Variants in TMEM63C observed in about 807,000 individuals in gnomAD.
TMEM63C encodes transmembrane protein 63C, also known as osmosensitive cation channel TMEM63C.
A neutral mutation model predicts 99.2 loss-of-function variants in TMEM63C; 32 were observed. That is an observed-to-expected ratio of 0.32 (90% confidence interval 0.24 to 0.43). TMEM63C has a LOEUF of 0.43. TMEM63C is among the 20% of genes least tolerant of loss of function. TMEM63C has a pLI of 1.00. For missense variants in TMEM63C, 826 were observed against 1,053.0 expected, an observed-to-expected ratio of 0.78 and a Z score of 2.98; for synonymous variants, 376 against 397.9, an observed-to-expected ratio of 0.94 and a Z score of 0.66.
At chr14:77,183,233 C>T (rs914878258) in intron 1 of TMEM63C, among the ~76,000 whole-genome samples, 1 of 152,082 alleles carries the variant, frequency 6.6e-6, no homozygotes, top group Non-Finnish European at 1.5e-5. Flanking sequence ...CTTCTGACTC[C>T]CCAGCCACCA....
intron 2 of TMEM63C, among the ~76,000 whole-genome samples, chr14:77,217,570 G>A (rs775807783): frequency 3.9e-5 from 6 of 152,222 alleles, no homozygotes; most frequent in Admixed American, 3.9e-4. Context: ...TCCAGGTAGA[G>A]GTGAGGTCTG....
rs748075844 is a variant in TMEM63C, at chr14:77,257,546, A to AG, written c.*826dup. ...AGACGACAGAAGCCGAATTCATGGAAGGGGGGTCTTCTCCCCAAAACTCTG... is the reference window on the plus strand; with the variant it reads ...AGACGACAGAAGCCGAATTCATGGAAGGGGGGGTCTTCTCCCCAAAACTCTG... On this transcript the variant is annotated 3_prime_UTR_variant, in exon 24 of 24. Transcript: ENST00000298351. 4.6e-5 allele frequency: 7 copies of AG among 152,216 alleles called. No individual in the cohort carries two copies. The highest frequency in any genetic ancestry group is 1.3e-4 in the Admixed American group (2 of 15,292). The allele number at this position is 152,216 out of a possible 1,614,324, so 9.4% of individuals were successfully genotyped here.
rs1413856550 is a variant in TMEM63C, at chr14:77,219,580, G to A, written c.230+3G>A. On this transcript the variant is annotated splice_donor_region_variant and intron_variant, in intron 4 of 23. Coordinates refer to ENST00000298351, the MANE Select transcript of TMEM63C (RefSeq NM_020431.4). ...GCTCTGCTGATACACAATGACAGGTGAGGAGGGGTCGAGATGGGTGAGCCG... is the reference window on the plus strand; with the variant it reads ...GCTCTGCTGATACACAATGACAGGTAAGGAGGGGTCGAGATGGGTGAGCCG... 6.2e-7 allele frequency: 1 copy of A among 1,613,832 alleles called. No individual in the cohort carries two copies. The highest frequency in any genetic ancestry group is 8.5e-7 in the Non-Finnish European group (1 of 1,179,894).
intron 1 of TMEM63C, among the ~76,000 whole-genome samples, chr14:77,186,565 C>T (rs141135064): frequency 2.2e-4 from 33 of 152,106 alleles, no homozygotes; most frequent in African/African-American, 7.7e-4. Flanking sequence ...ATTAGCCAGG[C>T]CTGTAGTCCC....
intron 12 of TMEM63C, among the ~76,000 whole-genome samples, chr14:77,240,241 CG>C (rs1889143862): frequency 6.6e-6 from 1 of 152,224 alleles, no homozygotes; most frequent in African/African-American, 2.4e-5. Flanking sequence ...TGAAAGCCCC[CG>C]GGTACCCCTA....
chr14:77,199,679 C>G (rs945529586), intron 1 of TMEM63C, among the ~76,000 whole-genome samples: 1 of 152,166 alleles, frequency 6.6e-6, no homozygotes, highest in South Asian at 2.1e-4. Context: ...GTGTGCGGCT[C>G]TTACTCTGCC....
At position 77,256,781 on chromosome 14, in the gene TMEM63C, C is replaced by A; in HGVS notation, c.*55C>A. On this transcript the variant is annotated 3_prime_UTR_variant, in exon 24 of 24. Coordinates refer to ENST00000298351, the MANE Select transcript of TMEM63C (RefSeq NM_020431.4). ...GTTGAGGGGTCAGGGGAGGGCCTGG[C>A]AAGGGGAGGCAGGAGGGTGGCCTGG... The A allele has an allele frequency of 6.4e-7, 1 of 1,559,212 alleles. No individual in the cohort carries two copies. Among genetic ancestry groups the A allele is most frequent in the Non-Finnish European group, 8.8e-7 (1 of 1,140,606 alleles).
chr14:77,218,353 G>A (rs974288355), intron 2 of TMEM63C, among the ~76,000 whole-genome samples: 1 of 152,184 alleles, frequency 6.6e-6, no homozygotes, highest in Non-Finnish European at 1.5e-5. Context: ...ATGCAGAGAT[G>A]ATTGTCATTG....
intron 21 of TMEM63C, among the ~76,000 whole-genome samples, chr14:77,250,338 C>T (rs1053796083): frequency 1.3e-5 from 2 of 152,164 alleles, no homozygotes; most frequent in Admixed American, 6.5e-5. Flanking sequence ...GGCACCTTAA[C>T]CCCCAGCAAC....
At chr14:77,182,905 C>T (rs1436473918) in intron 1 of TMEM63C, among the ~76,000 whole-genome samples, 1 of 152,150 alleles carries the variant, frequency 6.6e-6, no homozygotes, top group South Asian at 2.1e-4. Flanking sequence ...CCTTCAACAG[C>T]CTGCAGCGCT....
intron 1 of TMEM63C, among the ~76,000 whole-genome samples, chr14:77,194,493 T>TTTTCTTTCTTTC (rs756926975): frequency 4.1e-4 from 20 of 48,738 alleles, no homozygotes; most frequent in African/African-American, 1.3e-3. Flanking sequence ...CATATTTCTT[T>TTTTCTTTCTTTC]TTTCTTTCTT....
At chr14:77,186,132 C>T (rs531331565) in intron 1 of TMEM63C, among the ~76,000 whole-genome samples, 2 of 152,210 alleles carry the variant, frequency 1.3e-5, no homozygotes, top group East Asian at 1.9e-4. Context: ...CTGCCTCAGC[C>T]TCCCGAGTAG....
rs751166141 is a variant in TMEM63C at position 77,209,125 on chromosome 14, C to T, written c.-76-4321C>T. ...AGTTTACAGAAAGAGTCTCCATGCA[C>T]TATGCCCTTTAACTAACACTCATAA... On this transcript the variant is annotated intron_variant, in intron 1 of 23. Transcript: ENST00000298351. Among the ~76,000 whole-genome samples, 10 of 152,180 alleles carry T rather than the reference C, an allele frequency of 6.6e-5. 1 individual carries two copies. Among genetic ancestry groups the T allele is most frequent in the Admixed American group, 1.3e-4 (2 of 15,284 alleles).
Position 77,217,041 on chromosome 14 carries a change from C to T in TMEM63C, c.-13-1760C>T, listed in dbSNP as rs531614702. Among the ~76,000 whole-genome samples the T allele has an allele frequency of 1.1e-4, 17 of 152,108 alleles. 1 individual carries two copies. The highest frequency in any genetic ancestry group is 2.2e-4 in the Non-Finnish European group (15 of 68,024). ...AGAATTAGCCTGGTGTGGTGGCATG[C>T]ACCTGTAGTCCCAGCTACTCTTGAA... On this transcript the variant is annotated intron_variant, in intron 2 of 23. Transcript: ENST00000298351.
At chr14:77,205,533 G>A (rs536350719) in intron 1 of TMEM63C, among the ~76,000 whole-genome samples, 1 of 152,328 alleles carries the variant, frequency 6.6e-6, no homozygotes, top group South Asian at 2.1e-4. Flanking sequence ...GCAAGACCAG[G>A]GGGTGTACCC....
intron 1 of TMEM63C, among the ~76,000 whole-genome samples, chr14:77,187,723 G>C (rs1376812005): frequency 6.6e-6 from 1 of 152,252 alleles, no homozygotes; most frequent in Non-Finnish European, 1.5e-5. Context: ...CAGAGACAGA[G>C]GAAGGGAAGT....
intron 9 of TMEM63C, among the ~76,000 whole-genome samples, chr14:77,237,216 G>A (rs1433580162): frequency 6.6e-6 from 1 of 152,220 alleles, no homozygotes; most frequent in East Asian, 1.9e-4. Flanking sequence ...ACCAGCGGGG[G>A]CCTCCATGCT....
At chr14:77,201,851 C>T (rs867388291) in intron 1 of TMEM63C, among the ~76,000 whole-genome samples, 13 of 152,362 alleles carry the variant, frequency 8.5e-5, no homozygotes, top group Admixed American at 2.6e-4. Flanking sequence ...GGGCTGGGCC[C>T]CCAGGACATG....
At chr14:77,185,146 A>G (rs755771697) in intron 1 of TMEM63C, among the ~76,000 whole-genome samples, 30 of 152,244 alleles carry the variant, frequency 2.0e-4, no homozygotes, top group Non-Finnish European at 3.8e-4. Context: ...ACTAGGACCC[A>G]AGTGTCCTGG....
Sources: gnomAD v4.1 joint callset for allele counts (sites outside exome capture counted in the v4.1 genomes callset) on GRCh38, gnomAD v4.1.1 for gene constraint, MANE v1.5 for transcripts, NCBI Gene and HGNC (gene_info 2026-07-23, HGNC 2026-07-21) for gene names.